Variants in FAP observed in about 807,000 individuals in gnomAD.
The protein encoded by FAP is fibroblast activation protein alpha, also known as prolyl endopeptidase FAP.
A neutral mutation model predicts 126.5 loss-of-function variants in FAP; 110 were observed. The observed-to-expected ratio is 0.87, with a 90% CI of 0.74 to 1.02. The LOEUF (loss-of-function observed/expected upper bound fraction) is 1.02, where lower values mean the gene tolerates loss of function less well. Ranked by LOEUF, FAP falls within the 50% of genes least tolerant of loss-of-function variation. The pLI is 0.00. For synonymous variants in FAP, 334 were observed against 297.3 expected, an observed-to-expected ratio of 1.12 and a Z score of -1.27; for missense variants, 919 against 909.2, an observed-to-expected ratio of 1.01 and a Z score of -0.14.
chr2:162,203,147 T>A lies in FAP; in HGVS notation c.1048-2A>T. 2 of 1,597,342 alleles carry A rather than the reference T, an allele frequency of 1.3e-6. No individual in the cohort carries two copies. Among genetic ancestry groups the A allele is most frequent in the South Asian group, 1.1e-5 (1 of 89,482 alleles). On this transcript the variant is annotated splice_acceptor_variant, in intron 12 of 25. Transcript: ENST00000188790. LOFTEE classifies it high-confidence loss of function. ...GAAAACTGGTGTTGAAACAAAGAACTGAAAAAAATTAGCAGAGGTTATGTT... is the reference window on the plus strand; with the variant it reads ...GAAAACTGGTGTTGAAACAAAGAACAGAAAAAAATTAGCAGAGGTTATGTT...
rs1687759933 is a variant in FAP, at chr2:162,183,447, G to A, written c.1836C>T (p.Phe612=). The part of the protein sequence containing the change: ...TAVRKFIEMG[F]IDEKRIAIWG... ...ATATGGCTATTCTTTTTTCATCAAT[G>A]AAACCCATTTCTATGAATTTTCTAA... The change falls in exon 21 of 26, where the codon TTC becomes TTT. Residue 612 remains phenylalanine (F), a synonymous_variant. Transcript: ENST00000188790. The A allele has an allele frequency of 6.2e-7, 1 of 1,609,464 alleles. No individual in the cohort carries two copies. Among genetic ancestry groups the A allele is most frequent in the African/African-American group, 1.3e-5 (1 of 74,668 alleles).
intron 11 of FAP, among the ~76,000 whole-genome samples, chr2:162,211,199 T>C (rs1481747105): frequency 6.6e-6 from 1 of 152,192 alleles, no homozygotes; most frequent in Non-Finnish European, 1.5e-5. Flanking sequence ...CAGCTGGATG[T>C]TGATGCTCAG....
At chr2:162,220,711 A>G (rs540639797) in intron 6 of FAP, among the ~76,000 whole-genome samples, 1 of 152,364 alleles carries the variant, frequency 6.6e-6, no homozygotes, top group African/African-American at 2.4e-5. Context: ...TCACTCTGCA[A>G]GCACTCAAGT....
intron 22 of FAP, among the ~76,000 whole-genome samples, chr2:162,174,621 C>T (rs146604793): frequency 4.3e-4 from 65 of 152,206 alleles, no homozygotes; most frequent in African/African-American, 1.5e-3. Context: ...TCGGCAGGGG[C>T]TCAAGGTTTC....
chr2:162,191,887 G>A (rs1207042879), intron 17 of FAP, among the ~76,000 whole-genome samples: 5 of 152,088 alleles, frequency 3.3e-5, no homozygotes, highest in African/African-American at 1.2e-4. Flanking sequence ...CAGGGAAAAT[G>A]AAGCCACTTC....
intron 7 of FAP, 105 bp from the exon 8 acceptor site, chr2:162,219,288 C>T: frequency 9.1e-7 from 1 of 1,098,740 alleles, no homozygotes; most frequent in Non-Finnish European, 1.3e-6. Context: ...AATAAAGATA[C>T]AAAAAAGATT....
At chr2:162,192,530 A>G (rs1258155948) in intron 17 of FAP, among the ~76,000 whole-genome samples, 1 of 151,890 alleles carries the variant, frequency 6.6e-6, no homozygotes, top group Non-Finnish European at 1.5e-5. Context: ...CTCCCCACTA[A>G]CCCTATCCAC....
At chr2:162,221,613 C>T in intron 6 of FAP, 1 of 454,576 alleles carries the variant, frequency 2.2e-6, no homozygotes, top group Non-Finnish European at 4.4e-6. Flanking sequence ...GTAACATTGT[C>T]TCAGTTTTCT....
intron 11 of FAP, among the ~76,000 whole-genome samples, chr2:162,211,317 A>G (rs540371605): frequency 6.6e-6 from 1 of 152,246 alleles, no homozygotes; most frequent in South Asian, 2.1e-4. Context: ...AACCCCCACC[A>G]TACCCCACTT....
At chr2:162,207,679 C>G (rs1237730863) in intron 12 of FAP, among the ~76,000 whole-genome samples, 1 of 150,872 alleles carries the variant, frequency 6.6e-6, no homozygotes, top group Non-Finnish European at 1.5e-5. Flanking sequence ...ACCTCATCTT[C>G]TCTCAAAGGA....
At chr2:162,196,961 GAGC>G in intron 16 of FAP, among the ~76,000 whole-genome samples, 1 of 152,218 alleles carries the variant, frequency 6.6e-6, no homozygotes. Context: ...CTTTTGATGA[GAGC>G]TTAGGCTTTT....
At chr2:162,238,340 T>G (rs555315062) in intron 2 of FAP, among the ~76,000 whole-genome samples, 1 of 152,226 alleles carries the variant, frequency 6.6e-6, no homozygotes, top group African/African-American at 2.4e-5. Flanking sequence ...TATGACTGGA[T>G]GTTCTCGTTG....
At position 162,173,288 on chromosome 2, in the gene FAP, T is replaced by A. The variant is rs1368613264; in HGVS notation, c.2035-67A>T. ...TCTAATAGAAAACTAGCTAAATCAT[T>A]GTGCAATGGACTTAGCACCAATACT... is the stretch of plus-strand genomic sequence containing the variant. On this transcript the variant is annotated intron_variant, in intron 23 of 25. Coordinates refer to ENST00000188790, the MANE Select transcript of FAP (RefSeq NM_004460.5). The A allele has an allele frequency of 3.5e-6, 4 of 1,145,288 alleles. No individual in the cohort carries two copies. The East Asian group carries it at 9.4e-5, about 27-fold the overall frequency. The allele number at this position is 1,145,288 out of a possible 1,614,324, so 70.9% of individuals were successfully genotyped here.
In FAP at chr2:162,219,847, A is replaced by G; in HGVS notation, c.486+6T>C. On this transcript the variant is annotated splice_donor_region_variant and intron_variant, in intron 7 of 25. Transcript: ENST00000188790. ...GATTAAACACTTCAAAAATTTAAAC[A>G]CTTACTAATTTACTCCCAACAGGCG... 1 of 1,595,564 alleles carries G rather than the reference A, an allele frequency of 6.3e-7. No individual in the cohort carries two copies. The highest frequency in any genetic ancestry group is 8.6e-7 in the Non-Finnish European group (1 of 1,164,528).
chr2:162,234,700 G>A (rs970355493), intron 2 of FAP, among the ~76,000 whole-genome samples: 3 of 152,186 alleles, frequency 2.0e-5, no homozygotes, highest in Non-Finnish European at 4.4e-5. Flanking sequence ...CATGCTGGCA[G>A]CCCTCTCAGC....
chr2:162,206,039 T>C (rs1450977554), intron 12 of FAP, among the ~76,000 whole-genome samples: 1 of 152,240 alleles, frequency 6.6e-6, no homozygotes, highest in Non-Finnish European at 1.5e-5. Flanking sequence ...CAGAGTGTTA[T>C]GTTTTAAGAT....
At position 162,200,097 on chromosome 2, in the gene FAP, C is replaced by T. The variant is rs752138650; in HGVS notation, c.1277+469G>A. ...CCTTTCCACACCCAGAAAGGGCTGT[C>T]GAGGGCACCATTTCAGTCCTCAAGG... On this transcript the variant is annotated intron_variant, in intron 15 of 25. Coordinates refer to ENST00000188790, the MANE Select transcript of FAP (RefSeq NM_004460.5). 7.2e-5 allele frequency among the ~76,000 whole-genome samples: 11 copies of T among 152,256 alleles called. No homozygotes were observed. The South Asian group carries it at 1.0e-3, about 14-fold the overall frequency.
chr2:162,196,789 T>C (rs1419242457), intron 16 of FAP, among the ~76,000 whole-genome samples: 2 of 152,178 alleles, frequency 1.3e-5, no homozygotes, highest in Non-Finnish European at 2.9e-5. Context: ...TTTCCTATGA[T>C]GGCGCAGTGA....
rs765141629 is a variant in FAP, at chr2:162,174,943, T to C, written c.1893A>G (p.Ser631=). The change falls in exon 22 of 26, where the codon TCA becomes TCG. Residue 631 remains serine (S), a synonymous_variant. Coordinates refer to ENST00000188790, the MANE Select transcript of FAP (RefSeq NM_004460.5). ...WGWSYGGYVS[S]LALASGTGLF... ...GACCAGTTCCAGATGCAAGGGCCAG[T>C]GATGAAACGTATCCTCCATAGGACT... 2 of 1,612,448 alleles carry C rather than the reference T, an allele frequency of 1.2e-6. No homozygotes were observed. The highest frequency in any genetic ancestry group is 1.7e-6 in the Non-Finnish European group (2 of 1,178,778).
Sources: allele counts gnomAD v4.1 joint callset (sites outside exome capture counted in the v4.1 genomes callset), GRCh38; gene constraint gnomAD v4.1.1; transcripts MANE v1.5; gene names NCBI Gene and HGNC (gene_info 2026-07-23, HGNC 2026-07-21).